Variants in PARD3B observed in about 807,000 individuals in gnomAD.
PARD3B encodes the protein par-3 family cell polarity regulator beta.
Under a neutral mutation model 130.2 loss-of-function variants are expected in PARD3B, and 103 were observed. That is an observed-to-expected ratio of 0.79 (90% CI 0.67 to 0.93). The LOEUF (loss-of-function observed/expected upper bound fraction) is 0.93. Ranked by LOEUF, PARD3B falls within the 40% of genes least tolerant of loss-of-function variation. The probability of loss-of-function intolerance (pLI) is 0.00; values close to 1 mark genes in which losing one functional copy is unlikely to be tolerated. For missense variants in PARD3B, 1,609 were observed against 1,499.2 expected, an observed-to-expected ratio of 1.07 and a Z score of -1.21; for synonymous variants, 583 against 553.2, an observed-to-expected ratio of 1.05 and a Z score of -0.76.
chr2:204,860,961 A>G (rs1013082311), intron 2 of PARD3B, among the ~76,000 whole-genome samples: 2 of 152,190 alleles, frequency 1.3e-5, no homozygotes, highest in South Asian at 2.1e-4. Context: ...ACAAAAATGT[A>G]GAGTTTTCCC....
At chr2:204,850,763 T>C (rs2044674070) in intron 2 of PARD3B, among the ~76,000 whole-genome samples, 1 of 152,204 alleles carries the variant, frequency 6.6e-6, no homozygotes, top group African/African-American at 2.4e-5. Flanking sequence ...TGAGTTTGCA[T>C]AGTTTGTGAG....
chr2:205,261,247 A>AAATG (rs561942515), intron 16 of PARD3B, among the ~76,000 whole-genome samples: 143 of 152,184 alleles, frequency 9.4e-4, no homozygotes, highest in African/African-American at 3.2e-3. Flanking sequence ...ATTGTTTGTT[A>AAATG]AATGAATGAA....
At chr2:205,171,703 GT>G (rs553492554) in intron 11 of PARD3B, among the ~76,000 whole-genome samples, 15 of 151,274 alleles carry the variant, frequency 9.9e-5, no homozygotes, top group Non-Finnish European at 1.8e-4. Context: ...TTATGTGGTT[GT>G]TTTTTTTTAG....
intron 20 of PARD3B, among the ~76,000 whole-genome samples, chr2:205,478,239 TG>T (rs1200821252): frequency 1.3e-5 from 2 of 152,184 alleles, no homozygotes; most frequent in African/African-American, 4.8e-5. Flanking sequence ...CTGGAGGCAA[TG>T]GGTGGTCACT....
chr2:204,577,646 A>G (rs2032335200), intron 1 of PARD3B, among the ~76,000 whole-genome samples: 1 of 152,194 alleles, frequency 6.6e-6, no homozygotes, highest in Non-Finnish European at 1.5e-5. Flanking sequence ...ATCATAGCTC[A>G]CCGTAACCTT....
chr2:205,480,200 C>T (rs953674056), intron 20 of PARD3B, among the ~76,000 whole-genome samples: 3 of 152,230 alleles, frequency 2.0e-5, no homozygotes, highest in African/African-American at 4.8e-5. Flanking sequence ...CCACTGTGCC[C>T]GGCTGTGTAC....
At chr2:205,489,539 C>CAT (rs1218581668) in intron 20 of PARD3B, among the ~76,000 whole-genome samples, 3 of 18,252 alleles carry the variant, frequency 1.6e-4, no homozygotes, top group Admixed American at 1.7e-3. Context: ...ATATATATGG[C>CAT]ATATATATGT....
At chr2:205,014,730 G>C (rs988686290) in intron 3 of PARD3B, among the ~76,000 whole-genome samples, 3 of 152,180 alleles carry the variant, frequency 2.0e-5, no homozygotes, top group African/African-American at 7.2e-5. Context: ...GTCTAGTCTA[G>C]GAGAGGTAGA....
chr2:205,054,363 G>A (rs1405260138), intron 4 of PARD3B, among the ~76,000 whole-genome samples: 1 of 120,770 alleles, frequency 8.3e-6, no homozygotes, highest in Non-Finnish European at 1.7e-5. Context: ...TCACTATTTA[G>A]GTCAATTTCA....
intron 2 of PARD3B, among the ~76,000 whole-genome samples, chr2:204,844,009 G>C (rs1245234343): frequency 6.6e-6 from 1 of 152,072 alleles, no homozygotes; most frequent in Non-Finnish European, 1.5e-5. Context: ...GATGAAAGCC[G>C]AAATTCCATC....
chr2:204,817,582 T>A (rs1435815860), intron 2 of PARD3B, among the ~76,000 whole-genome samples: 3 of 152,076 alleles, frequency 2.0e-5, no homozygotes, highest in African/African-American at 7.2e-5. Context: ...ATTCAAGTAG[T>A]TTTCTAATAG....
chr2:205,468,764 C>G (rs191103202), intron 20 of PARD3B, among the ~76,000 whole-genome samples: 36 of 152,272 alleles, frequency 2.4e-4, no homozygotes, highest in Admixed American at 2.2e-3. Flanking sequence ...TGTGCTTTCC[C>G]TCTGGCATGC....
chr2:204,822,527 A>G (rs375802305), intron 2 of PARD3B, among the ~76,000 whole-genome samples: 2 of 152,354 alleles, frequency 1.3e-5, no homozygotes, highest in African/African-American at 4.8e-5. Flanking sequence ...CAAATAAAAA[A>G]TAGATTTAAT....
chr2:204,573,655 C>T (rs1433393030), intron 1 of PARD3B, among the ~76,000 whole-genome samples: 3 of 152,160 alleles, frequency 2.0e-5, no homozygotes, highest in East Asian at 1.9e-4. Context: ...GGTTTCTCCT[C>T]GTTGTGATTG....
intron 2 of PARD3B, among the ~76,000 whole-genome samples, chr2:204,947,286 T>C (rs1208891220): frequency 2.0e-5 from 3 of 152,146 alleles, no homozygotes; most frequent in African/African-American, 7.2e-5. Context: ...GAATTTACAG[T>C]CTTTTTGAGA....
intron 21 of PARD3B, among the ~76,000 whole-genome samples, chr2:205,507,990 G>A (rs756288560): frequency 2.6e-5 from 4 of 152,174 alleles, no homozygotes; most frequent in Non-Finnish European, 5.9e-5. Flanking sequence ...TGACATTTTA[G>A]TTCACCTCGG....
At chr2:204,602,385 G>A (rs2033547775) in intron 1 of PARD3B, among the ~76,000 whole-genome samples, 1 of 151,514 alleles carries the variant, frequency 6.6e-6, no homozygotes, top group East Asian at 1.9e-4. Flanking sequence ...CCCCAACCCT[G>A]CCCAAGGACT....
At position 205,263,445 on chromosome 2, in the gene PARD3B, C is replaced by T. The variant is rs1016613575; in HGVS notation, c.2185+17623C>T. ...TCATTTAAATAGCAAACAGAATGAA[C>T]ATTTTAAAGTAAAATTCTGTCATTT... On this transcript the variant is annotated intron_variant, in intron 16 of 22. Transcript: ENST00000406610. This position sits in a 1 kb window ranked among gnomAD's most constrained non-coding sequence, Gnocchi z 4.0. Among the ~76,000 whole-genome samples, 4 of 151,132 alleles carry T rather than the reference C, an allele frequency of 2.6e-5. No homozygotes were observed. The highest frequency in any genetic ancestry group is 9.7e-5 in the African/African-American group (4 of 41,124).
At chr2:204,679,695 G>C (rs1399174792) in intron 1 of PARD3B, among the ~76,000 whole-genome samples, 1 of 150,074 alleles carries the variant, frequency 6.7e-6, no homozygotes, top group Non-Finnish European at 1.5e-5. Flanking sequence ...TCTTTAACTG[G>C]TTTTCTTTGT....
Sources: gnomAD v4.1 joint callset for allele counts (sites outside exome capture counted in the v4.1 genomes callset) on GRCh38, gnomAD v4.1.1 for gene constraint, Gnocchi (gnomAD v3.1) non-coding constraint, MANE v1.5 for transcripts, NCBI Gene and HGNC (gene_info 2026-07-23, HGNC 2026-07-21) for gene names.